Variants in MDGA2 observed in about 807,000 individuals in gnomAD.
The protein encoded by MDGA2 is MAM domain containing glycosylphosphatidylinositol anchor 2.
MDGA2 carries 40 observed loss-of-function variants against 117.8 expected under a neutral mutation model. The ratio of observed to expected loss-of-function variants is 0.34; its 90% CI spans 0.26 to 0.44. The LOEUF (loss-of-function observed/expected upper bound fraction) is 0.44, where lower values mean the gene tolerates loss of function less well. MDGA2 is among the 20% of genes least tolerant of loss of function. The pLI is 1.00. For missense variants in MDGA2, 1,123 were observed against 1,250.6 expected (o/e 0.90, Z 1.54); for synonymous variants, 452 against 439.0 (o/e 1.03, Z -0.37).
intron 9 of MDGA2, among the ~76,000 whole-genome samples, chr14:46,935,440 A>G (rs923848676): frequency 2.0e-5 from 3 of 152,174 alleles, no homozygotes; most frequent in African/African-American, 7.2e-5. Flanking sequence ...TGTGGGCCAT[A>G]AAAGAAGCAT....
chr14:47,241,297 T>C (rs879362883), intron 2 of MDGA2, among the ~76,000 whole-genome samples: 1 of 151,828 alleles, frequency 6.6e-6, no homozygotes, highest in Non-Finnish European at 1.5e-5. Context: ...GGCAAAATGG[T>C]GAAACCATTG....
intron 8 of MDGA2, among the ~76,000 whole-genome samples, chr14:46,971,428 C>T (rs1171321187): frequency 6.6e-6 from 1 of 152,060 alleles, no homozygotes; most frequent in Non-Finnish European, 1.5e-5. Context: ...AACTGGAGGA[C>T]ATTATCTTAA....
At chr14:47,359,278 C>T (rs531678742) in intron 1 of MDGA2, among the ~76,000 whole-genome samples, 12 of 151,998 alleles carry the variant, frequency 7.9e-5, no homozygotes, top group South Asian at 4.2e-4. Context: ...CGCTTGAACC[C>T]GGGAGGTGAA....
intron 7 of MDGA2, among the ~76,000 whole-genome samples, chr14:47,051,034 G>A (rs973142842): frequency 6.6e-6 from 1 of 151,924 alleles, no homozygotes; most frequent in Admixed American, 6.6e-5. Flanking sequence ...ACCATTTCTT[G>A]CAAGGCCTTT....
chr14:47,175,431 C>T (rs1315560878), intron 3 of MDGA2, among the ~76,000 whole-genome samples: 3 of 149,620 alleles, frequency 2.0e-5, no homozygotes, highest in Middle Eastern at 3.4e-3. Flanking sequence ...TCCAGCAGCA[C>T]ATCAAAAAGC....
At chr14:47,127,468 T>C (rs1206554883) in intron 5 of MDGA2, among the ~76,000 whole-genome samples, 1 of 152,152 alleles carries the variant, frequency 6.6e-6, no homozygotes, top group East Asian at 1.9e-4. Flanking sequence ...GAAAAATTTC[T>C]GAAGTGAACC....
intron 1 of MDGA2, among the ~76,000 whole-genome samples, chr14:47,666,134 G>A (rs1566565847): frequency 6.6e-6 from 1 of 152,084 alleles, no homozygotes; most frequent in Non-Finnish European, 1.5e-5. Context: ...TCAGCACCCT[G>A]TGTCTAGCTC....
intron 1 of MDGA2, among the ~76,000 whole-genome samples, chr14:47,499,673 A>G (rs1894358805): frequency 1.3e-5 from 2 of 152,162 alleles, no homozygotes; most frequent in Non-Finnish European, 1.5e-5. Flanking sequence ...TCCAAAGATA[A>G]TAAGAGAAAT....
intron 14 of MDGA2, among the ~76,000 whole-genome samples, chr14:46,872,533 A>G (rs1461994241): frequency 6.6e-6 from 1 of 151,888 alleles, no homozygotes; most frequent in Admixed American, 6.6e-5. Flanking sequence ...CTTATGTTAG[A>G]AAGGTGAGAG....
rs567808947 is a variant in MDGA2, at chr14:47,239,383, T to C, written c.421-21188A>G. Among the ~76,000 whole-genome samples, 6 of 151,890 alleles carry C rather than the reference T, an allele frequency of 4.0e-5. No individual in the cohort carries two copies. In the East Asian group the frequency reaches 1.2e-3, roughly 29 times the overall value. On this transcript the variant is annotated intron_variant, in intron 2 of 16. Coordinates refer to ENST00000399232, the MANE Select transcript of MDGA2 (RefSeq NM_001113498.3). The stretch of plus-strand genomic sequence containing the variant: ...TCTACTTTAACATGTCTAATATAAA[T>C]TACTGTACATTGTGTAAAATAATTT...
chr14:47,007,013 T>C (rs1232941633), intron 8 of MDGA2, among the ~76,000 whole-genome samples: 3 of 151,830 alleles, frequency 2.0e-5, no homozygotes, highest in African/African-American at 7.2e-5. Context: ...TTTATGTACA[T>C]ACCAAGAAAC....
At chr14:47,392,131 T>A (rs1057035236) in intron 1 of MDGA2, among the ~76,000 whole-genome samples, 1 of 152,060 alleles carries the variant, frequency 6.6e-6, no homozygotes, top group African/African-American at 2.4e-5. Context: ...AAGGCGTATG[T>A]AAAGAACTGA....
At chr14:47,647,873 T>C (rs1452840531) in intron 1 of MDGA2, among the ~76,000 whole-genome samples, 2 of 152,134 alleles carry the variant, frequency 1.3e-5, no homozygotes, top group Non-Finnish European at 2.9e-5. Flanking sequence ...ATAGATCCAT[T>C]TTTGAAAAGA....
intron 1 of MDGA2, among the ~76,000 whole-genome samples, chr14:47,503,862 T>C (rs1894455143): frequency 6.6e-6 from 1 of 152,216 alleles, no homozygotes; most frequent in Admixed American, 6.5e-5. Flanking sequence ...TTTTTCACTA[T>C]GTATCTGTGA....
At chr14:47,012,294 TA>T (rs761795027) in intron 8 of MDGA2, among the ~76,000 whole-genome samples, 16 of 152,138 alleles carry the variant, frequency 1.1e-4, no homozygotes, top group Non-Finnish European at 2.2e-4. Flanking sequence ...ATGCAAATGG[TA>T]AATCAGTTCA....
intron 1 of MDGA2, among the ~76,000 whole-genome samples, chr14:47,665,834 C>G (rs868009907): frequency 1.5e-5 from 1 of 65,694 alleles, no homozygotes; most frequent in African/African-American, 5.7e-5. Flanking sequence ...CCCCGCCCCA[C>G]CCCGCCCCAC....
At chr14:47,294,240 C>G (rs1888987192) in intron 2 of MDGA2, among the ~76,000 whole-genome samples, 2 of 151,128 alleles carry the variant, frequency 1.3e-5, no homozygotes, top group Admixed American at 1.3e-4. Flanking sequence ...GAACTACAGG[C>G]AAATGTCACC....
At chr14:47,653,684 T>C (rs1305921553) in intron 1 of MDGA2, among the ~76,000 whole-genome samples, 2 of 152,120 alleles carry the variant, frequency 1.3e-5, no homozygotes, top group Admixed American at 6.6e-5. Flanking sequence ...GACCTTAAAA[T>C]AGAGAGGACA....
intron 10 of MDGA2, among the ~76,000 whole-genome samples, chr14:46,890,335 TAAAG>T (rs567735850): frequency 2.6e-5 from 4 of 152,090 alleles, no homozygotes; most frequent in Non-Finnish European, 4.4e-5. Flanking sequence ...GAGCAGTTAA[TAAAG>T]AAAATTACAA....
Sources: gnomAD v4.1 joint callset for allele counts (sites outside exome capture counted in the v4.1 genomes callset) on GRCh38, gnomAD v4.1.1 for gene constraint, MANE v1.5 for transcripts, NCBI Gene and HGNC (gene_info 2026-07-23, HGNC 2026-07-21) for gene names.